The following ROBO2 variants were observed in gnomAD, a reference collection of about 807,000 sequenced individuals.
The protein encoded by ROBO2 is roundabout guidance receptor 2, also known as roundabout homolog 2.
ROBO2 carries 53 observed loss-of-function variants against 160.8 expected under a neutral mutation model. The observed-to-expected ratio is 0.33, with a 90% CI of 0.26 to 0.41. ROBO2 has a LOEUF of 0.41. Ranked by LOEUF, ROBO2 falls within the 10% of genes least tolerant of loss-of-function variation. ROBO2 has a pLI of 1.00. For synonymous variants in ROBO2, 664 were observed against 611.7 expected, an observed-to-expected ratio of 1.09 and a Z score of -1.26; for missense variants, 1,577 against 1,722.4, an observed-to-expected ratio of 0.92 and a Z score of 1.49.
chr3:77,381,745 C>T (rs1236355792), intron 2 of ROBO2, among the ~76,000 whole-genome samples: 1 of 152,170 alleles, frequency 6.6e-6, no homozygotes, highest in East Asian at 1.9e-4. Flanking sequence ...TCAGAAAATT[C>T]CATTTGCATA....
At chr3:76,857,143 G>A (rs2148586587) in intron 2 of ROBO2, among the ~76,000 whole-genome samples, 1 of 151,984 alleles carries the variant, frequency 6.6e-6, no homozygotes, top group South Asian at 2.1e-4. Context: ...CCGCCACCAC[G>A]CCCGGATAAT....
At chr3:76,102,457 TA>T (rs2069736996) in intron 2 of ROBO2, among the ~76,000 whole-genome samples, 1 of 152,196 alleles carries the variant, frequency 6.6e-6, no homozygotes, top group Non-Finnish European at 1.5e-5. Flanking sequence ...AATCAATATT[TA>T]ACAGCTTGGT....
chr3:76,907,823 G>GTGTGTGT (rs2075705102), intron 2 of ROBO2, among the ~76,000 whole-genome samples: 23 of 145,526 alleles, frequency 1.6e-4, no homozygotes, highest in African/African-American at 5.9e-4. Flanking sequence ...GTTTGTTTGG[G>GTGTGTGT]GTGTGTGTGT....
intron 2 of ROBO2, among the ~76,000 whole-genome samples, chr3:76,589,614 T>C (rs1367044451): frequency 6.6e-6 from 1 of 152,210 alleles, no homozygotes; most frequent in East Asian, 1.9e-4. Context: ...GAGTCTGATA[T>C]TAAAATGAAA....
At chr3:77,078,865 C>T (rs756258505) in intron 1 of ROBO2, among the ~76,000 whole-genome samples, 18 of 152,286 alleles carry the variant, frequency 1.2e-4, no homozygotes, top group East Asian at 1.9e-4. Flanking sequence ...TTTGAACACT[C>T]AGTGACCTGG....
At chr3:76,372,812 T>C (rs1481504923) in intron 2 of ROBO2, among the ~76,000 whole-genome samples, 1 of 151,898 alleles carries the variant, frequency 6.6e-6, no homozygotes, top group Non-Finnish European at 1.5e-5. Flanking sequence ...CCTCTCACAA[T>C]GATTAGGACT....
chr3:76,324,118 T>G (rs1476257419), intron 2 of ROBO2, among the ~76,000 whole-genome samples: 1 of 152,220 alleles, frequency 6.6e-6, no homozygotes, highest in Non-Finnish European at 1.5e-5. Flanking sequence ...TCAATATTGC[T>G]GTCTTTTTTC....
At chr3:76,857,943 G>A (rs2070314009) in intron 2 of ROBO2, among the ~76,000 whole-genome samples, 1 of 152,082 alleles carries the variant, frequency 6.6e-6, no homozygotes, top group Non-Finnish European at 1.5e-5. Flanking sequence ...TCAAGTTCCC[G>A]ATTCCCTCTT....
At chr3:77,167,051 A>G (rs890569601) in intron 2 of ROBO2, among the ~76,000 whole-genome samples, 2 of 152,188 alleles carry the variant, frequency 1.3e-5, no homozygotes, top group Non-Finnish European at 1.5e-5. Flanking sequence ...TCATTATACT[A>G]TCAGTTTAAA....
intron 2 of ROBO2, among the ~76,000 whole-genome samples, chr3:76,561,314 T>C (rs1306943739): frequency 6.6e-6 from 1 of 152,140 alleles, no homozygotes; most frequent in Non-Finnish European, 1.5e-5. Flanking sequence ...TCAAACTTAC[T>C]CAGCTTGCCT....
intron 6 of ROBO2, among the ~76,000 whole-genome samples, chr3:77,524,170 G>A (rs1400929041): frequency 1.3e-5 from 2 of 151,132 alleles, no homozygotes; most frequent in African/African-American, 2.4e-5. Context: ...ATATTCTAGT[G>A]TGAATTTAGA....
intron 2 of ROBO2, among the ~76,000 whole-genome samples, chr3:76,380,933 A>T (rs2076587631): frequency 6.6e-6 from 1 of 151,966 alleles, no homozygotes. Flanking sequence ...AGTATTTTTG[A>T]TATTCTCCTG....
rs571855410 is a variant in ROBO2 at position 75,934,633 on chromosome 3, C to T, written c.-13-2848C>T. On this transcript the variant is annotated intron_variant, in intron 1 of 26. Transcript: ENST00000487694. The stretch of plus-strand genomic sequence containing the variant: ...TAGATCATACATCATAGTAACTTGG[C>T]ATTTATGAAATATTAGTTTTCCATA... Among the ~76,000 whole-genome samples, 37 of 152,254 alleles carry T rather than the reference C, an allele frequency of 2.4e-4. 1 individual carries two copies. The highest frequency in any genetic ancestry group is 2.0e-4 in the Admixed American group (3 of 15,294).
intron 2 of ROBO2, among the ~76,000 whole-genome samples, chr3:76,222,654 G>A (rs142428550): frequency 3.3e-5 from 5 of 152,202 alleles, no homozygotes; most frequent in Admixed American, 1.3e-4. Flanking sequence ...GTGTGTGGGT[G>A]GGGGAGAGCC....
intron 2 of ROBO2, among the ~76,000 whole-genome samples, chr3:77,315,665 A>G (rs1057083306): frequency 6.6e-6 from 1 of 152,128 alleles, no homozygotes. Flanking sequence ...TATACCTCCA[A>G]TGTTTTTGCA....
intron 2 of ROBO2, among the ~76,000 whole-genome samples, chr3:76,003,341 A>G (rs1488401235): frequency 6.6e-6 from 1 of 152,200 alleles, no homozygotes; most frequent in Admixed American, 6.5e-5. Flanking sequence ...GTCATAGATT[A>G]TACCAGCCGG....
chr3:75,970,210 C>A (rs1482910063), intron 2 of ROBO2, among the ~76,000 whole-genome samples: 1 of 151,450 alleles, frequency 6.6e-6, no homozygotes, highest in Non-Finnish European at 1.5e-5. Context: ...AGAAAATGCA[C>A]CTTTCTCTGG....
At chr3:77,081,007 G>A (rs1021031366) in intron 1 of ROBO2, among the ~76,000 whole-genome samples, 1 of 152,000 alleles carries the variant, frequency 6.6e-6, no homozygotes, top group African/African-American at 2.4e-5. Context: ...CTCCTTGAGG[G>A]GAAAGATGAG....
At chr3:76,097,123 T>G (rs772719702) in intron 2 of ROBO2, among the ~76,000 whole-genome samples, 2 of 152,226 alleles carry the variant, frequency 1.3e-5, no homozygotes, top group Non-Finnish European at 1.5e-5. Flanking sequence ...AAAGAGACTA[T>G]CAATATGTCG....
Sources: gnomAD v4.1 joint callset for allele counts (sites outside exome capture counted in the v4.1 genomes callset) on GRCh38, gnomAD v4.1.1 for gene constraint, MANE v1.5 for transcripts, NCBI Gene and HGNC (gene_info 2026-07-23, HGNC 2026-07-21) for gene names.